Variants in UBXN2B observed in about 807,000 individuals in gnomAD.
The protein encoded by UBXN2B is UBX domain protein 2B.
A neutral mutation model predicts 37.5 loss-of-function variants in UBXN2B; 19 were observed. The observed-to-expected ratio is 0.51, with a 90% confidence interval of 0.35 to 0.74. UBXN2B has a LOEUF of 0.74. Ranked by LOEUF, UBXN2B falls within the 30% of genes least tolerant of loss-of-function variation. The pLI is 0.01. For synonymous variants in UBXN2B, 145 were observed against 143.8 expected (o/e 1.01, Z -0.06); for missense variants, 370 against 393.2 (o/e 0.94, Z 0.50).
At chr8:58,426,892 AT>A (rs200530804) in intron 2 of UBXN2B, among the ~76,000 whole-genome samples, 3,138 of 150,732 alleles carry the variant, frequency 0.021, 48 homozygotes, top group Non-Finnish European at 0.029. Context: ...CCTCCCTGTA[AT>A]TTTTTTTTTC....
chr8:58,446,779 A>ATTTTTTTTTTTTTTTTTTTTTTTTTT lies in UBXN2B; in HGVS notation c.834-599_834-574dup, dbSNP rs869090698. ...ATACTCCGAAAAAAGTACAACCTGC[A>ATTTTTTTTTTTTTTTTTTTTTTTTTT]TTTTTTTTTTTTTTTTTTTTTTTTT... On this transcript the variant is annotated intron_variant, in intron 7 of 7. Transcript: ENST00000399598. 1.3e-3 allele frequency among the ~76,000 whole-genome samples: 23 copies of ATTTTTTTTTTTTTTTTTTTTTTTTTT among 17,402 alleles called. 10 individuals are homozygous for ATTTTTTTTTTTTTTTTTTTTTTTTTT. The highest frequency in any genetic ancestry group is 2.0e-3 in the East Asian group (1 of 496). The allele number at this position is 17,402 out of a possible 152,430, so 11.4% of individuals were successfully genotyped here. A position where few individuals can be genotyped will look rare whatever the true frequency, so the allele number is the denominator to read the frequency against.
intron 3 of UBXN2B, among the ~76,000 whole-genome samples, chr8:58,431,643 C>G (rs1808279415): frequency 6.6e-6 from 1 of 152,192 alleles, no homozygotes; most frequent in African/African-American, 2.4e-5. Flanking sequence ...AACAGCCAAA[C>G]TATTTTCCAG....
At chr8:58,423,527 C>T (rs1807988630) in intron 2 of UBXN2B, among the ~76,000 whole-genome samples, 1 of 151,818 alleles carries the variant, frequency 6.6e-6, no homozygotes, top group Admixed American at 6.6e-5. Context: ...GCTCCGCCTC[C>T]TGGGTTCACA....
At chr8:58,434,348 A>T in intron 4 of UBXN2B, 47 bp from the exon 5 acceptor site, 1 of 384,648 alleles carries the variant, frequency 2.6e-6, no homozygotes, top group Non-Finnish European at 4.0e-6. Context: ...TGTATATGTG[A>T]ATATATATAT....
chr8:58,417,646 C>T (rs1240111479), intron 2 of UBXN2B, among the ~76,000 whole-genome samples: 1 of 152,152 alleles, frequency 6.6e-6, no homozygotes, highest in East Asian at 1.9e-4. Context: ...TAAATACCAT[C>T]CCTGGGGAAG....
chr8:58,431,021 A>G (rs905625408), intron 3 of UBXN2B, among the ~76,000 whole-genome samples: 6 of 152,174 alleles, frequency 3.9e-5, no homozygotes, highest in African/African-American at 1.4e-4. Flanking sequence ...AAAGCCAGGA[A>G]TTTGGCATTT....
At chr8:58,438,846 G>A (rs557736624) in intron 5 of UBXN2B, among the ~76,000 whole-genome samples, 1 of 152,068 alleles carries the variant, frequency 6.6e-6, no homozygotes, top group Non-Finnish European at 1.5e-5. Flanking sequence ...TGGATGTTTT[G>A]TCCCCTCCAA....
In UBXN2B at chr8:58,429,609, C is replaced by T. The variant is rs185133778; in HGVS notation, c.189-910C>T. ...AGTGAGAGCTGGTCTGTTCTTTCCT[C>T]TATCTTACTCAGTTTTGCATATTCT... On this transcript the variant is annotated intron_variant, in intron 2 of 7. Transcript: ENST00000399598. Among the ~76,000 whole-genome samples, 142 of 152,136 alleles carry T rather than the reference C, an allele frequency of 9.3e-4. 1 individual carries two copies. Among genetic ancestry groups the T allele is most frequent in the African/African-American group, 3.0e-3 (125 of 41,512 alleles).
chr8:58,425,092 C>T, intron 2 of UBXN2B: 1 of 790,454 alleles, frequency 1.3e-6, no homozygotes, highest in East Asian at 2.4e-5. Flanking sequence ...AATGGGCACT[C>T]CGTGGTCCGG....
At chr8:58,424,641 C>G (rs1198408555) in intron 2 of UBXN2B, 1 of 1,230,546 alleles carries the variant, frequency 8.1e-7, no homozygotes, top group Non-Finnish European at 1.2e-6. Flanking sequence ...TACACTCTAG[C>G]ACTGTCTGCT....
chr8:58,431,202 A>T (rs1214218154), intron 3 of UBXN2B, among the ~76,000 whole-genome samples: 3 of 152,202 alleles, frequency 2.0e-5, no homozygotes, highest in Non-Finnish European at 2.9e-5. Context: ...GTGTTAAACC[A>T]GCCGGGTGTG....
Position 58,447,397 on chromosome 8 carries a change from A to T in UBXN2B, c.842A>T (p.Asp281Val). Reference sequence around the variant, plus strand: ...TTGTCTTATTTCTTCAGGATCCTGGATGTCCGGAACTTTATTGTACAGTCT... The same window carrying T: ...TTGTCTTATTTCTTCAGGATCCTGGTTGTCCGGAACTTTATTGTACAGTCT... The part of the protein sequence containing the change: ...QRFNSTHRIL[D>V]VRNFIVQSRP... The change falls in exon 8 of 8, where the codon GAT becomes GTT. Residue 281 changes from aspartate to valine, a missense_variant. By Grantham distance (152) the Asp-to-Val change is radical. Coordinates refer to ENST00000399598, the MANE Select transcript of UBXN2B (RefSeq NM_001077619.2). 1.3e-6 allele frequency: 2 copies of T among 1,590,166 alleles called. No individual in the cohort carries two copies. The highest frequency in any genetic ancestry group is 1.7e-6 in the Non-Finnish European group (2 of 1,167,898).
At chr8:58,438,832 G>A (rs1808479524) in intron 5 of UBXN2B, among the ~76,000 whole-genome samples, 1 of 152,086 alleles carries the variant, frequency 6.6e-6, no homozygotes, top group African/African-American at 2.4e-5. Flanking sequence ...GGAATGATAT[G>A]GTTTGGATGT....
chr8:58,445,940 T>C lies in UBXN2B; in HGVS notation c.705T>C (p.Ser235=). 11 of 1,611,542 alleles carry C rather than the reference T, an allele frequency of 6.8e-6. No individual in the cohort carries two copies. Among genetic ancestry groups the C allele is most frequent in the Non-Finnish European group, 9.3e-6 (11 of 1,179,222 alleles). ...LTPEIVSTPS[S]PEEEDKSILN... is the part of the protein sequence containing the mutation. ...CTGAAATAGTCAGTACACCTTCCTC[T>C]CCAGAAGAGGAGGATAAATCAATAC... The change falls in exon 7 of 8, where the codon TCT becomes TCC. Residue 235 remains serine (S), a synonymous_variant. Coordinates refer to ENST00000399598, the MANE Select transcript of UBXN2B (RefSeq NM_001077619.2).
chr8:58,449,419 A>G lies in UBXN2B; in HGVS notation c.*1868A>G, dbSNP rs559562234. The G allele has an allele frequency of 1.3e-5, 2 of 152,096 alleles. No individual in the cohort carries two copies. The highest frequency in any genetic ancestry group is 2.9e-5 in the Non-Finnish European group (2 of 68,036). The allele number at this position is 152,096 out of a possible 1,614,324, so 9.4% of individuals were successfully genotyped here. ...TATTACAGCATCAACTCTAAATCCA[A>G]AATCTTATCTGAGTCTCACCAACTC... On this transcript the variant is annotated 3_prime_UTR_variant, in exon 8 of 8. Coordinates refer to ENST00000399598, the MANE Select transcript of UBXN2B (RefSeq NM_001077619.2).
intron 6 of UBXN2B, among the ~76,000 whole-genome samples, chr8:58,442,466 G>A (rs1749094632): frequency 1.3e-5 from 2 of 152,162 alleles, no homozygotes; most frequent in African/African-American, 4.8e-5. Flanking sequence ...ATAAAAAGAA[G>A]CAAGTAAAAC....
chr8:58,423,271 G>A (rs1305858894), intron 2 of UBXN2B, among the ~76,000 whole-genome samples: 1 of 152,124 alleles, frequency 6.6e-6, no homozygotes, highest in African/African-American at 2.4e-5. Flanking sequence ...GAGACTACAC[G>A]AAGAAGGAGA....
chr8:58,424,668 G>T (rs2033142), intron 2 of UBXN2B: 1 of 1,239,044 alleles, frequency 8.1e-7, no homozygotes. Context: ...TCTGCACAGC[G>T]TGGAGTTGGA....
intron 6 of UBXN2B, 52 bp from the exon 7 acceptor site, chr8:58,445,855 G>A: frequency 6.8e-7 from 1 of 1,471,668 alleles, no homozygotes; most frequent in Non-Finnish European, 9.1e-7. Flanking sequence ...GCTGTCTTCA[G>A]TTTGTCATAT....
Sources: allele counts gnomAD v4.1 joint callset (sites outside exome capture counted in the v4.1 genomes callset), GRCh38; gene constraint gnomAD v4.1.1; transcripts MANE v1.5; gene names NCBI Gene and HGNC (gene_info 2026-07-23, HGNC 2026-07-21).